ADAMTSL1: variants seen among roughly 807,000 people sequenced by gnomAD.
ADAMTSL1 encodes ADAMTS like 1.
ADAMTSL1 carries 126 observed loss-of-function variants against 201.8 expected under a neutral mutation model. The observed-to-expected ratio is 0.62, with a 90% confidence interval of 0.54 to 0.72. The LOEUF (loss-of-function observed/expected upper bound fraction) is 0.72, where lower values mean the gene tolerates loss of function less well. Ranked by LOEUF, ADAMTSL1 falls within the 30% of genes least tolerant of loss-of-function variation. ADAMTSL1 has a pLI of 0.00. For missense variants in ADAMTSL1, 2,679 were observed against 2,277.8 expected (o/e 1.18, Z -3.59); for synonymous variants, 1,121 against 903.4 (o/e 1.24, Z -4.32).
rs551434042 is a variant in ADAMTSL1 at position 18,475,512 on chromosome 9, T to G, written c.63+1217T>G. Among the ~76,000 whole-genome samples the G allele has an allele frequency of 2.6e-5, 4 of 152,328 alleles. No homozygotes were observed. The East Asian group carries it at 7.7e-4, about 29-fold the overall frequency. The stretch of plus-strand genomic sequence containing the variant: ...TAGCTAAGAAATTATAATGCTGCAT[T>G]GCAAGTGCTATAAATATAGAAATAA... On this transcript the variant is annotated intron_variant, in intron 1 of 28. Transcript: ENST00000380548.
intron 2 of ADAMTSL1, among the ~76,000 whole-genome samples, chr9:18,238,670 C>T (rs1011746427): frequency 4.6e-5 from 7 of 152,106 alleles, no homozygotes; most frequent in Admixed American, 2.0e-4. Context: ...CTGAAAGGAA[C>T]CAAATGACAT....
intron 2 of ADAMTSL1, among the ~76,000 whole-genome samples, chr9:18,308,844 G>A (rs1013533251): frequency 2.0e-5 from 3 of 152,104 alleles, no homozygotes; most frequent in Admixed American, 2.0e-4. Context: ...TATGAGGCCG[G>A]CATCATCCTG....
chr9:18,307,947 A>G (rs78574375), intron 2 of ADAMTSL1, among the ~76,000 whole-genome samples: 4,892 of 152,258 alleles, frequency 0.032, 280 homozygotes, highest in African/African-American at 0.11. Flanking sequence ...AATTGGAAGT[A>G]AAACAGTCCT....
intron 20 of ADAMTSL1, chr9:18,796,594 C>T (rs546518458): frequency 2.0e-5 from 3 of 152,230 alleles, no homozygotes; most frequent in Non-Finnish European, 4.4e-5. Context: ...AACAGTATTC[C>T]TGCCCCCATG....
intron 23 of ADAMTSL1, among the ~76,000 whole-genome samples, chr9:18,854,093 G>A (rs1378436146): frequency 1.3e-5 from 2 of 152,000 alleles, no homozygotes; most frequent in African/African-American, 4.8e-5. Flanking sequence ...CTAATATTGT[G>A]GAAATTAAGT....
intron 2 of ADAMTSL1, among the ~76,000 whole-genome samples, chr9:18,293,755 C>G (rs1473658753): frequency 6.6e-6 from 1 of 152,110 alleles, no homozygotes; most frequent in Non-Finnish European, 1.5e-5. Flanking sequence ...TGGTTATTGT[C>G]AAGATGTATT....
rs1449516547 is a variant in ADAMTSL1, at chr9:18,441,365, A to G, written c.208-63464A>G. Among the ~76,000 whole-genome samples, 3 of 152,192 alleles carry G rather than the reference A, an allele frequency of 2.0e-5. No individual in the cohort carries two copies. The South Asian group carries it at 6.2e-4, about 31-fold the overall frequency. On this transcript the variant is annotated intron_variant, in intron 2 of 29. Transcript: ENST00000680146. ...AATACTGACTCCATTCATTCTTCTA[A>G]TAGCTGGCCCTCTTTGGGGAAATCC...
intron 1 of ADAMTSL1, among the ~76,000 whole-genome samples, chr9:18,047,012 T>C (rs1017611387): frequency 1.3e-5 from 2 of 151,910 alleles, no homozygotes; most frequent in African/African-American, 2.4e-5. Context: ...TAATGTGGAG[T>C]AATGGAAGGC....
chr9:18,213,971 A>T (rs1829974322), intron 2 of ADAMTSL1, among the ~76,000 whole-genome samples: 2 of 152,270 alleles, frequency 1.3e-5, no homozygotes, highest in South Asian at 4.2e-4. Flanking sequence ...TCCTGACCTC[A>T]GGCAATCTAC....
chr9:17,926,768 C>T (rs1233736376), intron 1 of ADAMTSL1, among the ~76,000 whole-genome samples: 1 of 152,084 alleles, frequency 6.6e-6, no homozygotes, highest in African/African-American at 2.4e-5. Flanking sequence ...TTCAGATTTC[C>T]AAGGTGTGGT....
intron 2 of ADAMTSL1, among the ~76,000 whole-genome samples, chr9:18,194,286 A>G (rs928646370): frequency 2.6e-5 from 4 of 152,152 alleles, no homozygotes; most frequent in Admixed American, 6.6e-5. Context: ...AGAGATTTGA[A>G]CATATTTACA....
chr9:18,170,805 C>G (rs1827857288), intron 2 of ADAMTSL1, among the ~76,000 whole-genome samples: 1 of 152,098 alleles, frequency 6.6e-6, no homozygotes, highest in African/African-American at 2.4e-5. Context: ...TACAGATTCT[C>G]TAGGAGAGCT....
intron 23 of ADAMTSL1, among the ~76,000 whole-genome samples, chr9:18,868,605 C>T (rs1439435375): frequency 6.6e-6 from 1 of 152,208 alleles, no homozygotes; most frequent in Non-Finnish European, 1.5e-5. Flanking sequence ...ACTCAAAGGC[C>T]TTCCAGCCCT....
At chr9:18,437,976 G>A (rs973077863) in intron 2 of ADAMTSL1, among the ~76,000 whole-genome samples, 13 of 152,132 alleles carry the variant, frequency 8.5e-5, no homozygotes, top group African/African-American at 3.1e-4. Flanking sequence ...GTCTGCTAAT[G>A]CCCGCTGCTG....
chr9:18,888,223 G>A (rs766905672), intron 24 of ADAMTSL1, among the ~76,000 whole-genome samples, 180 bp downstream of exon 24: 66 of 152,172 alleles, frequency 4.3e-4, no homozygotes, highest in Non-Finnish European at 8.2e-4. Flanking sequence ...CCCTTCAGAA[G>A]AGCCATCATG....
chr9:18,876,301 C>T (rs1005548769), intron 23 of ADAMTSL1, among the ~76,000 whole-genome samples: 24 of 139,724 alleles, frequency 1.7e-4, no homozygotes, highest in African/African-American at 2.2e-4. Flanking sequence ...TGCCTGAATA[C>T]GTGTGTGTGT....
intron 10 of ADAMTSL1, among the ~76,000 whole-genome samples, chr9:18,678,336 A>G (rs1334276809): frequency 6.6e-6 from 1 of 152,134 alleles, no homozygotes; most frequent in Non-Finnish European, 1.5e-5. Context: ...AGATCTCCTG[A>G]CATGCTCTCT....
chr9:18,327,099 A>G (rs934134526), intron 2 of ADAMTSL1, among the ~76,000 whole-genome samples: 2 of 152,206 alleles, frequency 1.3e-5, no homozygotes, highest in African/African-American at 4.8e-5. Context: ...TTTTCAAATT[A>G]CTGGTACTCT....
At chr9:18,747,246 CAG>C (rs1359511052) in intron 15 of ADAMTSL1, among the ~76,000 whole-genome samples, 1 of 152,172 alleles carries the variant, frequency 6.6e-6, no homozygotes, top group Non-Finnish European at 1.5e-5. Context: ...CCTAACCTCT[CAG>C]AGTCTCTGTT....
Sources: gnomAD v4.1 joint callset for allele counts (sites outside exome capture counted in the v4.1 genomes callset) on GRCh38, gnomAD v4.1.1 for gene constraint, MANE v1.5 for transcripts, NCBI Gene and HGNC (gene_info 2026-07-23, HGNC 2026-07-21) for gene names.